TMEM184B: variants seen among roughly 807,000 people sequenced by gnomAD.
TMEM184B encodes putative MAPK-activating protein FM08.
A neutral mutation model predicts 41.8 loss-of-function variants in TMEM184B; 17 were observed. That is an observed-to-expected ratio of 0.41 (90% CI 0.28 to 0.61). TMEM184B has a LOEUF of 0.61. Among genes scored for constraint, TMEM184B ranks in the 20% least tolerant of loss-of-function variants. The pLI is 0.34. For missense variants in TMEM184B, 393 were observed against 557.8 expected (o/e 0.70, Z 2.98); for synonymous variants, 240 against 229.5 (o/e 1.05, Z -0.41).
rs945213881 is a variant in TMEM184B at position 38,247,867 on chromosome 22, G to C, written c.95C>G (p.Pro32Arg). ...PSVSVIPEGS[P>R]TAMEQPVFLM... The stretch of plus-strand genomic sequence containing the variant: ...GAACACAGGCTGCTCCATGGCAGTG[G>C]GGCTGCCCTCGGGGATCACGGAGAC... The change falls in exon 2 of 9, where the codon CCC becomes CGC. Residue 32 changes from proline (P) to arginine (R), a missense_variant. Pro to Arg is a moderately radical substitution (Grantham distance 103, BLOSUM62 -2). Around this residue, in one of 2 missense-constraint regions of TMEM184B, gnomAD observed 122 missense variants for 123.7 expected, o/e 0.99. Coordinates refer to ENST00000361906, the MANE Select transcript of TMEM184B (RefSeq NM_012264.5). The C allele has an allele frequency of 1.2e-6, 2 of 1,613,160 alleles. No homozygotes were observed. Among genetic ancestry groups the C allele is most frequent in the Non-Finnish European group, 1.7e-6 (2 of 1,179,854 alleles).
At chr22:38,264,806 G>A (rs2092421322) in intron 1 of TMEM184B, among the ~76,000 whole-genome samples, 1 of 152,180 alleles carries the variant, frequency 6.6e-6, no homozygotes, top group East Asian at 1.9e-4. Context: ...CCCCGGCCGA[G>A]TAGGAGATAC....
At chr22:38,269,735 C>T (rs1019092646) in intron 1 of TMEM184B, among the ~76,000 whole-genome samples, 2 of 152,106 alleles carry the variant, frequency 1.3e-5, no homozygotes, top group Admixed American at 1.3e-4. Flanking sequence ...AAGCCAGTTC[C>T]CAGCAGGCAA....
Position 38,221,454 on chromosome 22 carries a change from CA to C in TMEM184B, c.*14del. 6.3e-7 allele frequency: 1 copy of C among 1,583,448 alleles called. No individual in the cohort carries two copies. Among genetic ancestry groups the C allele is most frequent in the South Asian group, 1.1e-5 (1 of 87,304 alleles). On this transcript the variant is annotated 3_prime_UTR_variant, in exon 9 of 9. Transcript: ENST00000361906. ...GTGGCTATGGCGCCAGCACTTCCGC[CA>C]CTGCAGCCCGCACCTAGAATTCATC...
In TMEM184B at chr22:38,221,451, C is replaced by G; in HGVS notation, c.*18G>C. ...ACCGTGGCTATGGCGCCAGCACTTC[C>G]GCCACTGCAGCCCGCACCTAGAATT... On this transcript the variant is annotated 3_prime_UTR_variant, in exon 9 of 9. Transcript: ENST00000361906. 6.3e-7 allele frequency: 1 copy of G among 1,579,102 alleles called. No homozygotes were observed. The highest frequency in any genetic ancestry group is 8.6e-7 in the Non-Finnish European group (1 of 1,161,578).
intron 2 of TMEM184B, 60 bp from the exon 3 acceptor site, chr22:38,246,160 G>A: frequency 1.3e-6 from 2 of 1,571,226 alleles, no homozygotes; most frequent in Non-Finnish European, 1.7e-6. Context: ...CGGGAGGGCA[G>A]GTGGGCTTCC....
chr22:38,241,883 C>CAAAA lies in TMEM184B; in HGVS notation c.358+4048_358+4051dup, dbSNP rs34060428. ...TGGGTGACAGAGCGAGACTCCGTCT[C>CAAAA]AAAAAAAAAAAAAAAAAAAAAAAAG... On this transcript the variant is annotated intron_variant, in intron 3 of 8. Coordinates refer to ENST00000361906, the MANE Select transcript of TMEM184B (RefSeq NM_012264.5). Among the ~76,000 whole-genome samples the CAAAA allele has an allele frequency of 3.4e-3, 109 of 32,248 alleles. 2 individuals carry two copies. Among genetic ancestry groups the CAAAA allele is most frequent in the Non-Finnish European group, 4.0e-3 (60 of 15,116 alleles). The allele number at this position is 32,248 out of a possible 152,430, so 21.2% of individuals were successfully genotyped here.
Position 38,220,023 on chromosome 22 carries a change from C to T in TMEM184B, c.*1446G>A. The T allele has an allele frequency of 5.1e-6, 5 of 985,494 alleles. No individual in the cohort carries two copies. The highest frequency in any genetic ancestry group is 6.0e-6 in the Non-Finnish European group (5 of 829,966). 61.0% of individuals were successfully genotyped at this position (985,494 alleles called of 1,614,324 possible). ...AGAAAGAATCCCCAGTGAACACCGG[C>T]AGGGTCCCTCTCCCTTACCCTACCA... is the stretch of plus-strand genomic sequence containing the variant. On this transcript the variant is annotated 3_prime_UTR_variant, in exon 9 of 9. Coordinates refer to ENST00000361906, the MANE Select transcript of TMEM184B (RefSeq NM_012264.5).
At chr22:38,253,359 T>C (rs1341424171) in intron 1 of TMEM184B, among the ~76,000 whole-genome samples, 34 of 151,720 alleles carry the variant, frequency 2.2e-4, no homozygotes, top group Admixed American at 2.2e-3. Context: ...CACTTGAGGC[T>C]AGGAGTTCGA....
chr22:38,270,459 T>C (rs562744321), intron 1 of TMEM184B, among the ~76,000 whole-genome samples: 16 of 152,240 alleles, frequency 1.1e-4, no homozygotes, highest in Admixed American at 9.8e-4. Context: ...GTTGTTCCTA[T>C]TGTCCTCTGG....
intron 1 of TMEM184B, chr22:38,272,636 G>A: frequency 1.0e-6 from 1 of 985,484 alleles, no homozygotes; most frequent in Non-Finnish European, 1.2e-6. Context: ...CCCCCGCCAC[G>A]TTGGCGTGGA....
chr22:38,241,059 G>C (rs570466842), intron 3 of TMEM184B, among the ~76,000 whole-genome samples: 3 of 152,206 alleles, frequency 2.0e-5, no homozygotes, highest in Non-Finnish European at 4.4e-5. Flanking sequence ...CCACGGAACA[G>C]GTGACTCAGC....
rs531698894 is a variant in TMEM184B, at chr22:38,271,372, T to G, written c.-59+1512A>C. On this transcript the variant is annotated intron_variant, in intron 1 of 8. Transcript: ENST00000361906. ...TGATTCCATCCAGGCTTGCCACGTA[T>G]CGTGGAGAAGAACGTCATGAATTCC... Among the ~76,000 whole-genome samples, 10 of 152,268 alleles carry G rather than the reference T, an allele frequency of 6.6e-5. No homozygotes were observed. The Middle Eastern group carries it at 0.01, about 155-fold the overall frequency.
Position 38,219,906 on chromosome 22 carries a change from C to G in TMEM184B, c.*1563G>C. 1.4e-5 allele frequency: 14 copies of G among 985,266 alleles called. No homozygotes were observed. Among genetic ancestry groups the G allele is most frequent in the South Asian group, 4.7e-5 (1 of 21,274 alleles). 61.0% of individuals were successfully genotyped at this position (985,266 alleles called of 1,614,324 possible). ...GGCACCCACATGCAGGCCTCTGCCA[C>G]GAGGAAAGGAAGGAGGCCAGGAAGA... On this transcript the variant is annotated 3_prime_UTR_variant, in exon 9 of 9. Transcript: ENST00000361906.
At position 38,220,474 on chromosome 22, in the gene TMEM184B, C is replaced by A. The variant is rs2091227773; in HGVS notation, c.*995G>T. The A allele has an allele frequency of 3.0e-6, 3 of 985,808 alleles. No individual in the cohort carries two copies. Among genetic ancestry groups the A allele is most frequent in the South Asian group, 4.7e-5 (1 of 21,294 alleles). The allele number at this position is 985,808 out of a possible 1,614,324, so 61.1% of individuals were successfully genotyped here. A position where few individuals can be genotyped will look rare whatever the true frequency, so the allele number is the denominator to read the frequency against. Reference sequence around the variant, plus strand: ...GAGAGGAGTCTGGGACCATTCCCCCCACCTCCCAGCTCCCCACTGTGTGGC... The same window carrying A: ...GAGAGGAGTCTGGGACCATTCCCCCAACCTCCCAGCTCCCCACTGTGTGGC... On this transcript the variant is annotated 3_prime_UTR_variant, in exon 9 of 9. Coordinates refer to ENST00000361906, the MANE Select transcript of TMEM184B (RefSeq NM_012264.5).
Position 38,225,645 on chromosome 22 carries a change from GCT to G in TMEM184B, c.618-54_618-53del. On this transcript the variant is annotated intron_variant, in intron 6 of 8. Transcript: ENST00000361906. This position sits in a 1 kb window ranked among gnomAD's most constrained non-coding sequence, Gnocchi z 4.4. The stretch of plus-strand genomic sequence containing the variant: ...TGGGACAGACCCTTGGAGGGAAGGG[GCT>G]CTCCTCGACTGCACCACACACAGTC... The G allele has an allele frequency of 1.9e-6, 3 of 1,547,836 alleles. No homozygotes were observed. The highest frequency in any genetic ancestry group is 1.7e-6 in the Non-Finnish European group (2 of 1,152,202).
intron 1 of TMEM184B, chr22:38,272,367 C>G (rs1012963737): frequency 1.2e-5 from 8 of 657,150 alleles, no homozygotes; most frequent in African/African-American, 2.0e-5. Flanking sequence ...CAGTCGATCC[C>G]CTTCCAAACC....
At position 38,225,485 on chromosome 22, in the gene TMEM184B, G is replaced by C; in HGVS notation, c.726C>G (p.Pro242=). ...TGAAGAACTTGAGGACGGGGCTGTAGGGGCTGAGCAGCTCCCGGGTGGCGA... is the reference window on the plus strand; with the variant it reads ...TGAAGAACTTGAGGACGGGGCTGTACGGGCTGAGCAGCTCCCGGGTGGCGA... ...FYFATRELLS[P]YSPVLKFFMV... The change falls in exon 7 of 9, where the codon CCC becomes CCG. Residue 242 remains proline, a synonymous_variant. Transcript: ENST00000361906. The surrounding 1 kb of genome is among the most constrained non-coding windows in gnomAD (Gnocchi z 4.4). The C allele has an allele frequency of 6.3e-7, 1 of 1,592,052 alleles. No homozygotes were observed. The highest frequency in any genetic ancestry group is 1.1e-5 in the South Asian group (1 of 88,462).
At chr22:38,258,013 C>A (rs926207984) in intron 1 of TMEM184B, among the ~76,000 whole-genome samples, 1 of 152,206 alleles carries the variant, frequency 6.6e-6, no homozygotes, top group Non-Finnish European at 1.5e-5. Flanking sequence ...AGGACCCCCA[C>A]CTCCCCCACA....
intron 1 of TMEM184B, among the ~76,000 whole-genome samples, chr22:38,265,652 A>G (rs2092433637): frequency 6.6e-6 from 1 of 152,208 alleles, no homozygotes; most frequent in Non-Finnish European, 1.5e-5. Context: ...AAAGCCCCAC[A>G]AATTCCAATG....
Sources: allele counts gnomAD v4.1 joint callset (sites outside exome capture counted in the v4.1 genomes callset), GRCh38; gene constraint gnomAD v4.1.1; regional missense constraint gnomAD v4.1.1; non-coding constraint Gnocchi (gnomAD v3.1); transcripts MANE v1.5; gene names NCBI Gene and HGNC (gene_info 2026-07-23, HGNC 2026-07-21).